The following TULP4 variants were observed in gnomAD, a reference collection of about 807,000 sequenced individuals.
TULP4 encodes the protein tubby-related protein 4.
TULP4 carries 16 observed loss-of-function variants against 129.0 expected under a neutral mutation model. That is an observed-to-expected ratio of 0.12 (90% CI 0.08 to 0.19). The LOEUF is 0.19. TULP4 is among the 10% of genes least tolerant of loss of function. TULP4 has a pLI of 1.00. For missense variants in TULP4, 1,842 were observed against 2,059.1 expected (o/e 0.89, Z 2.04); for synonymous variants, 998 against 854.0 (o/e 1.17, Z -2.94).
In TULP4 at chr6:158,490,935, A is replaced by G. The variant is rs143201433; in HGVS notation, c.1631+1203A>G. On this transcript the variant is annotated intron_variant, in intron 9 of 13. Transcript: ENST00000367097. Reference sequence around the variant, plus strand: ...TTACTCTGTTTACCAATCAATGGATATTTGTAGTTTCCAGTTTGAGGCTAT... The same window carrying G: ...TTACTCTGTTTACCAATCAATGGATGTTTGTAGTTTCCAGTTTGAGGCTAT... Among the ~76,000 whole-genome samples, 310 of 152,230 alleles carry G rather than the reference A, an allele frequency of 2.0e-3. 2 individuals carry two copies. The highest frequency in any genetic ancestry group is 7.1e-3 in the African/African-American group (294 of 41,542).
At chr6:158,246,226 G>T (rs1003251424) in intron 1 of TULP4, among the ~76,000 whole-genome samples, 3 of 152,138 alleles carry the variant, frequency 2.0e-5, no homozygotes, top group Non-Finnish European at 4.4e-5. Flanking sequence ...TCTGGGCCGG[G>T]CATGGTGGCT....
upstream of TULP4, among the ~76,000 whole-genome samples, chr6:158,282,026 A>C (rs1363500913): frequency 6.6e-6 from 1 of 152,030 alleles, no homozygotes; most frequent in African/African-American, 2.4e-5. Flanking sequence ...GTTTGCATTA[A>C]CATTTTTGCT....
intron 6 of TULP4, among the ~76,000 whole-genome samples, chr6:158,470,884 A>G (rs557079510): frequency 6.6e-6 from 1 of 152,346 alleles, no homozygotes; most frequent in East Asian, 1.9e-4. Flanking sequence ...CAGCTAGTGA[A>G]GAAGTTGAGG....
chr6:158,334,768 A>G (rs1779993803), intron 1 of TULP4, among the ~76,000 whole-genome samples: 1 of 152,198 alleles, frequency 6.6e-6, no homozygotes, highest in African/African-American at 2.4e-5. Context: ...GTGAGGCCTT[A>G]AAGAGGTGAT....
At position 158,502,226 on chromosome 6, in the gene TULP4, C is replaced by T. The variant is rs1228835924; in HGVS notation, c.2563C>T (p.Pro855Ser). The T allele has an allele frequency of 7.8e-6, 11 of 1,403,200 alleles. No homozygotes were observed. Among genetic ancestry groups the T allele is most frequent in the South Asian group, 1.2e-5 (1 of 82,022 alleles). The allele number at this position is 1,403,200 out of a possible 1,614,324, so 86.9% of individuals were successfully genotyped here. A position where few individuals can be genotyped will look rare whatever the true frequency, so the allele number is the denominator to read the frequency against. Residue 855 changes from proline to serine, a missense_variant, in exon 13 of 14, where the codon CCG becomes TCG. Pro to Ser is a moderately conservative substitution (Grantham distance 74, BLOSUM62 -1). Coordinates refer to ENST00000367097, the MANE Select transcript of TULP4 (RefSeq NM_020245.5). ...CACAGCAGCACCCCCGCCCCCTCTGCCGCCCCCACAGCCCCCAGTGGATGT... is the reference window on the plus strand; with the variant it reads ...CACAGCAGCACCCCCGCCCCCTCTGTCGCCCCCACAGCCCCCAGTGGATGT... ...PTTAAPPPPL[P>S]PPQPPVDVCL...
chr6:158,424,499 CTTGGCCTCCCA>C (rs1391313941), intron 2 of TULP4, among the ~76,000 whole-genome samples: 2 of 152,152 alleles, frequency 1.3e-5, no homozygotes, highest in East Asian at 3.9e-4. Flanking sequence ...ATCTGCCTGC[CTTGGCCTCCCA>C]AAGTGCTGGG....
chr6:158,460,237 C>T (rs1779394931), intron 5 of TULP4, among the ~76,000 whole-genome samples: 2 of 152,180 alleles, frequency 1.3e-5, no homozygotes, highest in Admixed American at 6.5e-5. Flanking sequence ...GTGGCAGCAT[C>T]AAAATCATGA....
At chr6:158,255,028 C>T (rs9347168) in intron 1 of TULP4, among the ~76,000 whole-genome samples, 50,068 of 152,018 alleles carry the variant, frequency 0.33, 9,243 homozygotes, top group East Asian at 0.46. Context: ...GCTGAGATTG[C>T]GCCACTGCAC....
chr6:158,443,696 T>C (rs1778950592), intron 3 of TULP4, among the ~76,000 whole-genome samples: 1 of 152,128 alleles, frequency 6.6e-6, no homozygotes, highest in African/African-American at 2.4e-5. Context: ...GCTTCCAAAT[T>C]ACATGTTTAG....
At chr6:158,354,292 T>C (rs1184937702) in intron 1 of TULP4, among the ~76,000 whole-genome samples, 2 of 152,184 alleles carry the variant, frequency 1.3e-5, no homozygotes, top group African/African-American at 2.4e-5. Context: ...ATAGCCTTTA[T>C]GTGTTTTATG....
At position 158,503,016 on chromosome 6, in the gene TULP4, G is replaced by A. The variant is rs367675484; in HGVS notation, c.3353G>A (p.Arg1118Gln). 157 of 1,614,062 alleles carry A rather than the reference G, an allele frequency of 9.7e-5. No individual in the cohort carries two copies. Among genetic ancestry groups the A allele is most frequent in the African/African-American group, 6.8e-4 (51 of 74,996 alleles). Residue 1118 changes from arginine to glutamine, a missense_variant, in exon 13 of 14, where the codon CGG becomes CAG. Arg to Gln is a conservative substitution (Grantham distance 43). Coordinates refer to ENST00000367097, the MANE Select transcript of TULP4 (RefSeq NM_020245.5). The surrounding 1 kb of genome is among the most constrained non-coding windows in gnomAD (Gnocchi z 4.3). ...PLPEAAVTLK[R>Q]PPPYQWDPML... is the part of the protein sequence containing the mutation. ...CCTGAAGCTGCTGTCACCCTGAAAC[G>A]GCCACCCCCTTACCAGTGGGACCCC...
chr6:158,492,101 G>T (rs573509999), intron 9 of TULP4, among the ~76,000 whole-genome samples: 2 of 152,058 alleles, frequency 1.3e-5, no homozygotes, highest in African/African-American at 4.8e-5. Flanking sequence ...CTTGTGATCC[G>T]CCCGCCTTGG....
chr6:158,471,092 G>A (rs1445202512), intron 6 of TULP4, among the ~76,000 whole-genome samples: 2 of 152,184 alleles, frequency 1.3e-5, no homozygotes. Context: ...AGGGCAGTAG[G>A]GAGGTTTAAT....
intron 1 of TULP4, among the ~76,000 whole-genome samples, chr6:158,300,938 C>T (rs1328998418): frequency 6.6e-6 from 1 of 152,164 alleles, no homozygotes; most frequent in Admixed American, 6.5e-5. Context: ...TTATGGAACT[C>T]CTGAGCTTCT....
rs35688574 is a variant in TULP4 at position 158,511,390 on chromosome 6, CT to C, written c.*4710del. ...ATTACTACTGGCATTTTCTTTTTCC[CT>C]TTTTTTTTTTTTTAACCGTAAGTGC... On this transcript the variant is annotated 3_prime_UTR_variant, in exon 14 of 14. Transcript: ENST00000367097. The C allele has an allele frequency of 5.5e-4, 79 of 143,748 alleles. No homozygotes were observed. The highest frequency in any genetic ancestry group is 6.0e-4 in the Non-Finnish European group (40 of 66,204). The allele number at this position is 143,748 out of a possible 1,614,324, so 8.9% of individuals were successfully genotyped here. A position where few individuals can be genotyped will look rare whatever the true frequency, so the allele number is the denominator to read the frequency against.
At chr6:158,263,776 C>T (rs905701944) in intron 1 of TULP4, among the ~76,000 whole-genome samples, 1 of 151,068 alleles carries the variant, frequency 6.6e-6, no homozygotes, top group African/African-American at 2.4e-5. Flanking sequence ...ACAACAGCAA[C>T]AACAGGCTGG....
At chr6:158,483,043 A>C (rs12214402) in intron 8 of TULP4, among the ~76,000 whole-genome samples, 36 of 152,236 alleles carry the variant, frequency 2.4e-4, no homozygotes, top group Non-Finnish European at 5.0e-4. Context: ...GCACATTGAC[A>C]GATATTTAGT....
Position 158,429,722 on chromosome 6 carries a change from T to C in TULP4, c.382-14T>C. ...CAGATTACAAATTGACTCTTTTCTG[T>C]GTGTGTCCCCAAGGTGAGTGATTTC... On this transcript the variant is annotated splice_polypyrimidine_tract_variant and intron_variant, in intron 2 of 13. Transcript: ENST00000367097. 6.2e-7 allele frequency: 1 copy of C among 1,602,860 alleles called. No homozygotes were observed. The highest frequency in any genetic ancestry group is 8.5e-7 in the Non-Finnish European group (1 of 1,174,278).
rs1245836155 is a variant in TULP4, at chr6:158,493,131, G to A, written c.1632-442G>A. On this transcript the variant is annotated intron_variant, in intron 9 of 13. Coordinates refer to ENST00000367097, the MANE Select transcript of TULP4 (RefSeq NM_020245.5). The surrounding 1 kb of genome is among the most constrained non-coding windows in gnomAD (Gnocchi z 4.4). ...CCAAGGCAACAGAGAGTGAAAGACA[G>A]TTAATTCTTTGAGTTCCTTACAAAT... is the stretch of plus-strand genomic sequence containing the variant. Among the ~76,000 whole-genome samples, 2 of 152,230 alleles carry A rather than the reference G, an allele frequency of 1.3e-5. No individual in the cohort carries two copies. Among genetic ancestry groups the A allele is most frequent in the East Asian group, 3.8e-4 (2 of 5,196 alleles).
Sources: allele counts gnomAD v4.1 joint callset (sites outside exome capture counted in the v4.1 genomes callset), GRCh38; gene constraint gnomAD v4.1.1; non-coding constraint Gnocchi (gnomAD v3.1); transcripts MANE v1.5; gene names NCBI Gene and HGNC (gene_info 2026-07-23, HGNC 2026-07-21).